USP12: variants seen among roughly 807,000 people sequenced by gnomAD.
USP12 encodes ubiquitin carboxyl-terminal hydrolase 12.
USP12 carries 19 observed loss-of-function variants against 45.5 expected under a neutral mutation model. The ratio of observed to expected loss-of-function variants is 0.42; its 90% confidence interval spans 0.29 to 0.61. USP12 has a LOEUF of 0.61. USP12 is among the 20% of genes least tolerant of loss of function. The pLI is 0.22. For synonymous variants in USP12, 149 were observed against 148.8 expected, an observed-to-expected ratio of 1.00 and a Z score of -0.01; for missense variants, 242 against 447.7, an observed-to-expected ratio of 0.54 and a Z score of 4.15.
intron 1 of USP12, among the ~76,000 whole-genome samples, chr13:27,128,637 T>C (rs1876352816): frequency 6.6e-6 from 1 of 152,220 alleles, no homozygotes; most frequent in Non-Finnish European, 1.5e-5. Context: ...CATCAAGCTC[T>C]TTCTACCATA....
intron 3 of USP12, among the ~76,000 whole-genome samples, chr13:27,099,458 A>G (rs1874759308): frequency 6.6e-6 from 1 of 152,036 alleles, no homozygotes; most frequent in African/African-American, 2.4e-5. Flanking sequence ...TTCATAAACA[A>G]TTACTTCCCA....
Position 27,091,864 on chromosome 13 carries a change from A to G in USP12, c.574-1706T>C, listed in dbSNP as rs78269667. ...TACCACCTGAGACATTACCAATTGC[A>G]TTTCTAAAATACAAGCATGAGCTCC... On this transcript the variant is annotated intron_variant, in intron 4 of 8. Transcript: ENST00000282344. Among the ~76,000 whole-genome samples, 215 of 152,286 alleles carry G rather than the reference A, an allele frequency of 1.4e-3. 5 individuals are homozygous for G. In the East Asian group the frequency reaches 0.039, roughly 27 times the overall value.
chr13:27,170,544 T>G (rs1490512689), intron 1 of USP12, among the ~76,000 whole-genome samples: 1 of 152,254 alleles, frequency 6.6e-6, no homozygotes, highest in Non-Finnish European at 1.5e-5. Context: ...CATGAGGAAC[T>G]AATGAAACGA....
chr13:27,125,087 ATCT>A (rs1488611509), intron 1 of USP12, among the ~76,000 whole-genome samples: 2 of 152,216 alleles, frequency 1.3e-5, no homozygotes, highest in Non-Finnish European at 2.9e-5. Context: ...GACCACTACC[ATCT>A]TCTTTTTCAG....
chr13:27,171,288 G>T (rs1593222116), intron 1 of USP12, among the ~76,000 whole-genome samples: 1 of 149,704 alleles, frequency 6.7e-6, no homozygotes, highest in East Asian at 2.0e-4. Flanking sequence ...CAGTTCAGCC[G>T]GGGACTCCCG....
At position 27,068,950 on chromosome 13, in the gene USP12, C is replaced by A. The variant is rs573887096; in HGVS notation, c.*333G>T. The A allele has an allele frequency of 1.2e-3, 404 of 325,994 alleles. No homozygotes were observed. The highest frequency in any genetic ancestry group is 1.8e-3 in the Non-Finnish European group (322 of 174,830). 20.2% of individuals were successfully genotyped at this position (325,994 alleles called of 1,614,324 possible). A position where few individuals can be genotyped will look rare whatever the true frequency, so the allele number is the denominator to read the frequency against. On this transcript the variant is annotated 3_prime_UTR_variant, in exon 9 of 9. Coordinates refer to ENST00000282344, the MANE Select transcript of USP12 (RefSeq NM_182488.4). ...CAGATTCCGATTCTTTCTACTGCAC[C>A]CCCAAGGAATTCAAAGCATTATTGG... is the stretch of plus-strand genomic sequence containing the variant.
chr13:27,097,984 CT>C (rs71083630), intron 3 of USP12, among the ~76,000 whole-genome samples: 101,705 of 116,596 alleles, frequency 0.87, 44,912 homozygotes, highest in South Asian at 0.97. Context: ...TTATATAGTA[CT>C]TTTTTTTTTT....
intron 7 of USP12, 84 bp downstream of exon 7, chr13:27,075,107 T>C (rs1006484392): frequency 7.5e-7 from 1 of 1,332,180 alleles, no homozygotes; most frequent in Non-Finnish European, 1.0e-6. Context: ...AAGTTCTATA[T>C]ATGAATAATT....
At chr13:27,117,766 C>T (rs778292350) in intron 1 of USP12, 12 of 518,012 alleles carry the variant, frequency 2.3e-5, no homozygotes, top group East Asian at 2.2e-4. Context: ...ACAAGGACCT[C>T]GCACAGACAA....
chr13:27,099,558 C>T lies in USP12; in HGVS notation c.344-3728G>A, dbSNP rs74041178. ...ACCTAGTTCAAGTCACCTCCCTTCA[C>T]TTAACCCACTAAGTCTCCTTTCCTT... On this transcript the variant is annotated intron_variant, in intron 3 of 8. Coordinates refer to ENST00000282344, the MANE Select transcript of USP12 (RefSeq NM_182488.4). Among the ~76,000 whole-genome samples, 1,479 of 152,262 alleles carry T rather than the reference C, an allele frequency of 9.7e-3. 28 individuals are homozygous for T. The highest frequency in any genetic ancestry group is 0.034 in the African/African-American group (1,410 of 41,530).
intron 6 of USP12, among the ~76,000 whole-genome samples, chr13:27,089,138 G>A (rs1161757873): frequency 6.6e-6 from 1 of 152,180 alleles, no homozygotes; most frequent in Non-Finnish European, 1.5e-5. Context: ...AATGCTAAAT[G>A]TAATGTGGGA....
intron 1 of USP12, among the ~76,000 whole-genome samples, chr13:27,144,705 A>G (rs1877230577): frequency 6.6e-6 from 1 of 151,652 alleles, no homozygotes; most frequent in Non-Finnish European, 1.5e-5. Context: ...AACAAAACAG[A>G]AAGACCACAG....
At chr13:27,164,186 A>G (rs1362682945) in intron 1 of USP12, among the ~76,000 whole-genome samples, 1 of 152,184 alleles carries the variant, frequency 6.6e-6, no homozygotes, top group African/African-American at 2.4e-5. Context: ...CTCTAACTCT[A>G]CTGAAAGATA....
chr13:27,103,498 A>C (rs1565990421), intron 3 of USP12, among the ~76,000 whole-genome samples: 1 of 151,698 alleles, frequency 6.6e-6, no homozygotes, highest in South Asian at 2.1e-4. Flanking sequence ...TAGAATATTT[A>C]TTCTAGAATC....
chr13:27,089,846 T>G (rs774431474), intron 6 of USP12, 37 bp downstream of exon 6: 2 of 1,590,004 alleles, frequency 1.3e-6, no homozygotes, highest in Admixed American at 3.6e-5. Flanking sequence ...TTACAAAAAA[T>G]AAAATCACTT....
chr13:27,096,292 G>T (rs977833863), intron 3 of USP12, among the ~76,000 whole-genome samples: 1 of 152,276 alleles, frequency 6.6e-6, no homozygotes, highest in East Asian at 1.9e-4. Flanking sequence ...GTTGATAAGG[G>T]GTAAGCCCAG....
intron 1 of USP12, among the ~76,000 whole-genome samples, chr13:27,165,831 TCTTG>T (rs1158550153): frequency 6.6e-6 from 1 of 152,164 alleles, no homozygotes; most frequent in Non-Finnish European, 1.5e-5. Flanking sequence ...TAAGTGAAAT[TCTTG>T]CTTAATTATG....
At chr13:27,149,860 C>T (rs1015027133) in intron 1 of USP12, among the ~76,000 whole-genome samples, 3 of 152,332 alleles carry the variant, frequency 2.0e-5, no homozygotes, top group African/African-American at 7.2e-5. Context: ...CCCTCGCATG[C>T]GCGGTTCATA....
rs535073574 is a variant in USP12, at chr13:27,171,251, C to A, written c.48+341G>T. On this transcript the variant is annotated intron_variant, in intron 1 of 8. Transcript: ENST00000282344. ...CACAGGCCGGGCGCGCCTCGGCCCTCGTCCCCGCGTCCCGAGCGGACCCCA... is the reference window on the plus strand; with the variant it reads ...CACAGGCCGGGCGCGCCTCGGCCCTAGTCCCCGCGTCCCGAGCGGACCCCA... Among the ~76,000 whole-genome samples the A allele has an allele frequency of 7.5e-3, 1,121 of 150,378 alleles. 13 individuals carry two copies. Among genetic ancestry groups the A allele is most frequent in the African/African-American group, 0.026 (1,072 of 41,312 alleles).
Sources: allele counts gnomAD v4.1 joint callset (sites outside exome capture counted in the v4.1 genomes callset), GRCh38; gene constraint gnomAD v4.1.1; transcripts MANE v1.5; gene names NCBI Gene and HGNC (gene_info 2026-07-23, HGNC 2026-07-21).